MARCHF2: variants seen among roughly 807,000 people sequenced by gnomAD.
MARCHF2 encodes membrane associated ring-CH-type finger 2.
In MARCHF2, 22 loss-of-function variants were observed where a neutral mutation model predicts 24.0. That is an observed-to-expected ratio of 0.92 (90% confidence interval 0.66 to 1.31). The LOEUF is 1.31. MARCHF2 is among the 50% of genes most tolerant of loss of function. The pLI is 0.00. For synonymous variants in MARCHF2, 154 were observed against 153.0 expected (o/e 1.01, Z -0.05); for missense variants, 301 against 335.3 (o/e 0.90, Z 0.80).
chr19:8,416,790 C>T (rs548301366), intron 1 of MARCHF2, among the ~76,000 whole-genome samples: 1 of 152,120 alleles, frequency 6.6e-6, no homozygotes, highest in Admixed American at 6.6e-5. Context: ...TTCTCTCAAA[C>T]TCCTGGGCTC....
intron 3 of MARCHF2, chr19:8,427,630 A>T (rs1339233752): frequency 6.6e-6 from 1 of 152,190 alleles, no homozygotes. Context: ...CAAGGCCTCA[A>T]AAGGAGGTGA....
Position 8,430,509 on chromosome 19 carries a change from T to C in MARCHF2, c.373-149T>C. The C allele has an allele frequency of 4.7e-6, 3 of 643,814 alleles. No homozygotes were observed. Among genetic ancestry groups the C allele is most frequent in the South Asian group, 3.9e-5 (2 of 51,478 alleles). 39.9% of individuals were successfully genotyped at this position (643,814 alleles called of 1,614,324 possible). The stretch of plus-strand genomic sequence containing the variant: ...GAGATCACACCATTGCACTCCATCC[T>C]GGGCAACAGAGTGAGAATCTGTCTC... On this transcript the variant is annotated intron_variant, in intron 3 of 4. Coordinates refer to ENST00000215555, the MANE Select transcript of MARCHF2 (RefSeq NM_001005415.2). The surrounding 1 kb of genome is among the most constrained non-coding windows in gnomAD (Gnocchi z 4.4).
At chr19:8,436,752 G>A (rs1029945651) in intron 4 of MARCHF2, among the ~76,000 whole-genome samples, 12 of 138,534 alleles carry the variant, frequency 8.7e-5, no homozygotes, top group African/African-American at 1.1e-4. Flanking sequence ...GAGCGATCTC[G>A]GCTTACCGCA....
chr19:8,422,684 T>C (rs1178096110), intron 2 of MARCHF2, among the ~76,000 whole-genome samples: 2 of 147,284 alleles, frequency 1.4e-5, no homozygotes, highest in Non-Finnish European at 3.0e-5. Flanking sequence ...TGAGCCACCG[T>C]GCCCAGCCTC....
chr19:8,430,893 G>C lies in MARCHF2; in HGVS notation c.582+26G>C, dbSNP rs1340958713. The C allele has an allele frequency of 7.1e-6, 11 of 1,544,198 alleles. No individual in the cohort carries two copies. The East Asian group carries it at 2.7e-4, about 37-fold the overall frequency. ...GTGAGTGGCTGTGGTTGTGCAGCAC[G>C]CGTCTCGAGCTCTGCCGCTGGGAGC... is the stretch of plus-strand genomic sequence containing the variant. On this transcript the variant is annotated intron_variant, in intron 4 of 4. Transcript: ENST00000215555. This position sits in a 1 kb window ranked among gnomAD's most constrained non-coding sequence, Gnocchi z 4.4.
intron 3 of MARCHF2, among the ~76,000 whole-genome samples, chr19:8,427,504 T>G (rs1353545331): frequency 1.4e-5 from 2 of 146,452 alleles, no homozygotes; most frequent in Non-Finnish European, 3.0e-5. Flanking sequence ...GCATCGCTTC[T>G]GATATGAGGT....
chr19:8,436,358 C>T (rs527625567), intron 4 of MARCHF2, among the ~76,000 whole-genome samples: 2 of 152,054 alleles, frequency 1.3e-5, no homozygotes, highest in African/African-American at 4.8e-5. Flanking sequence ...TGGTCTCGAT[C>T]TCTTGACCTC....
At chr19:8,421,606 A>G (rs1967245087) in intron 1 of MARCHF2, among the ~76,000 whole-genome samples, 183 bp from the exon 2 acceptor site, 2 of 152,124 alleles carry the variant, frequency 1.3e-5, no homozygotes, top group South Asian at 4.1e-4. Context: ...GTGCTGAGTT[A>G]CATGCATCGT....
At chr19:8,426,961 A>G (rs1967420503) in intron 3 of MARCHF2, among the ~76,000 whole-genome samples, 157 bp downstream of exon 3, 1 of 152,072 alleles carries the variant, frequency 6.6e-6, no homozygotes, top group South Asian at 2.1e-4. Context: ...TGTGTCAGAA[A>G]CCAGGCCTAG....
In MARCHF2 at chr19:8,438,725, CA is replaced by C. The variant is rs1967799489; in HGVS notation, c.*180del. 5.4e-6 allele frequency: 3 copies of C among 555,446 alleles called. No homozygotes were observed. Among genetic ancestry groups the C allele is most frequent in the African/African-American group, 2.0e-5 (1 of 49,514 alleles). 34.4% of individuals were successfully genotyped at this position (555,446 alleles called of 1,614,324 possible). On this transcript the variant is annotated 3_prime_UTR_variant, in exon 5 of 5. Transcript: ENST00000215555. ...CTGTGATCCTGTGTGAAGATATTTT[CA>C]GGGTTTTTTTTTTTTTTTTTTTGCA...
intron 4 of MARCHF2, among the ~76,000 whole-genome samples, chr19:8,436,551 G>A (rs929251449): frequency 1.3e-5 from 2 of 151,864 alleles, no homozygotes; most frequent in African/African-American, 2.4e-5. Flanking sequence ...TCTTTTTACT[G>A]TCTCCATGGT....
At chr19:8,416,370 A>C (rs1299727664) in intron 1 of MARCHF2, among the ~76,000 whole-genome samples, 1 of 150,506 alleles carries the variant, frequency 6.6e-6, no homozygotes, top group Non-Finnish European at 1.5e-5. Flanking sequence ...AAATGACTGC[A>C]GCAGCAACCA....
chr19:8,434,175 C>T (rs10415608), intron 4 of MARCHF2, among the ~76,000 whole-genome samples: 1 of 150,338 alleles, frequency 6.7e-6, no homozygotes, highest in African/African-American at 2.4e-5. Flanking sequence ...ATCTCCGCCT[C>T]CTGGGCTCAA....
intron 4 of MARCHF2, 21 bp from the exon 5 acceptor site, chr19:8,438,367 C>A: frequency 6.2e-7 from 1 of 1,611,982 alleles, no homozygotes; most frequent in South Asian, 1.1e-5. Flanking sequence ...GGCCTCCGCT[C>A]ACTGCAGGGC....
intron 4 of MARCHF2, among the ~76,000 whole-genome samples, chr19:8,433,299 T>C (rs1437445901): frequency 6.6e-6 from 1 of 151,712 alleles, no homozygotes; most frequent in Non-Finnish European, 1.5e-5. Flanking sequence ...TCCCAGCACT[T>C]TGGGAGGCTG....
intron 3 of MARCHF2, chr19:8,427,641 A>T (rs1967444065): frequency 6.6e-6 from 1 of 151,836 alleles, no homozygotes; most frequent in Non-Finnish European, 1.5e-5. Flanking sequence ...AAGGAGGTGA[A>T]CCCCCCAGCT....
intron 2 of MARCHF2, among the ~76,000 whole-genome samples, chr19:8,424,947 G>C (rs1034556705): frequency 6.6e-6 from 1 of 152,102 alleles, no homozygotes; most frequent in South Asian, 2.1e-4. Flanking sequence ...TCACTCTGTT[G>C]TCCAAGCTGG....
At chr19:8,421,615 G>A (rs75282665) in intron 1 of MARCHF2, among the ~76,000 whole-genome samples, 174 bp from the exon 2 acceptor site, 2,257 of 152,112 alleles carry the variant, frequency 0.015, 56 homozygotes, top group African/African-American at 0.052. Context: ...TACATGCATC[G>A]TCTCCTTGAA....
At chr19:8,422,389 A>C (rs1228744570) in intron 2 of MARCHF2, among the ~76,000 whole-genome samples, 2 of 150,210 alleles carry the variant, frequency 1.3e-5, no homozygotes, top group Non-Finnish European at 3.0e-5. Flanking sequence ...TTACTTCACC[A>C]CTGTATCTCT....
Sources: gnomAD v4.1 joint callset for allele counts (sites outside exome capture counted in the v4.1 genomes callset) on GRCh38, gnomAD v4.1.1 for gene constraint, Gnocchi (gnomAD v3.1) non-coding constraint, MANE v1.5 for transcripts, NCBI Gene and HGNC (gene_info 2026-07-23, HGNC 2026-07-21) for gene names.